GLI2: variants seen among roughly 807,000 people sequenced by gnomAD.
The protein encoded by GLI2 is GLI family zinc finger 2, also known as transcription activator GLI2.
Under a neutral mutation model 78.9 loss-of-function variants are expected in GLI2, and 22 were observed. The ratio of observed to expected loss-of-function variants is 0.28; its 90% CI spans 0.20 to 0.40. GLI2 has a LOEUF of 0.40. Among genes scored for constraint, GLI2 ranks in the 10% least tolerant of loss-of-function variants. The probability of loss-of-function intolerance (pLI) is 1.00; values close to 1 mark genes in which losing one functional copy is unlikely to be tolerated. For missense variants in GLI2, 2,097 were observed against 2,213.2 expected, an observed-to-expected ratio of 0.95 and a Z score of 1.05; for synonymous variants, 974 against 963.7, an observed-to-expected ratio of 1.01 and a Z score of -0.20.
At chr2:120,845,463 G>T (rs933381746) in intron 2 of GLI2, among the ~76,000 whole-genome samples, 2 of 152,186 alleles carry the variant, frequency 1.3e-5, no homozygotes, top group Non-Finnish European at 2.9e-5. Flanking sequence ...GCACGCCCAC[G>T]TGGGCCTGGA....
intron 7 of GLI2, among the ~76,000 whole-genome samples, chr2:120,971,442 C>A (rs1682163542): frequency 6.6e-6 from 1 of 152,258 alleles, no homozygotes; most frequent in Non-Finnish European, 1.5e-5. Context: ...TCCTCCCTCT[C>A]CACCCCAGGG....
chr2:120,738,378 C>T, intron 1 of GLI2, among the ~76,000 whole-genome samples: 1 of 152,192 alleles, frequency 6.6e-6, no homozygotes, highest in East Asian at 1.9e-4. Flanking sequence ...GAATTCCACT[C>T]AAGCCCAGCC....
intron 1 of GLI2, among the ~76,000 whole-genome samples, chr2:120,742,690 G>GAAAAAAAA (rs1682585026): frequency 3.2e-5 from 2 of 62,884 alleles, no homozygotes; most frequent in South Asian, 8.1e-4. Flanking sequence ...AAAAAAAAAG[G>GAAAAAAAA]AAAGAGGGAA....
In GLI2 at chr2:120,972,037, C is replaced by A. The variant is rs188531549; in HGVS notation, c.1156C>A (p.Pro386Thr). The change falls in exon 8 of 14, where the codon CCG (proline) becomes ACG (threonine). Residue 386 changes from proline to threonine, a missense_variant. Pro to Thr is a conservative substitution (Grantham distance 38). Transcript: ENST00000361492. ...KVKTEPEGLRPASPLALTQEQ... is the reference protein window; with the variant it reads ...KVKTEPEGLRTASPLALTQEQ... ...CAAGACCGAGCCTGAGGGCCTGCGG[C>A]CGGCCTCCCCTCTGGCGCTGACGCA... The A allele has an allele frequency of 1.9e-6, 3 of 1,613,404 alleles. No homozygotes were observed. In the East Asian group the frequency reaches 6.7e-5, roughly 36 times the overall value.
chr2:120,922,647 A>G (rs1232269559), intron 2 of GLI2, among the ~76,000 whole-genome samples: 4 of 152,198 alleles, frequency 2.6e-5, no homozygotes, highest in African/African-American at 9.7e-5. Context: ...ACCTTGCTGG[A>G]GATGAGCCCC....
intron 2 of GLI2, among the ~76,000 whole-genome samples, chr2:120,883,697 G>A (rs535633546): frequency 6.6e-6 from 1 of 152,294 alleles, no homozygotes; most frequent in East Asian, 1.9e-4. Context: ...ATTCACTGTG[G>A]TCACATAGCT....
chr2:120,936,084 G>C (rs888096138), intron 3 of GLI2, among the ~76,000 whole-genome samples: 1 of 152,100 alleles, frequency 6.6e-6, no homozygotes, highest in Non-Finnish European at 1.5e-5. Context: ...CCCCACTGTC[G>C]GACATTTCCC....
chr2:120,913,951 C>T (rs1678960535), intron 2 of GLI2, among the ~76,000 whole-genome samples: 1 of 152,220 alleles, frequency 6.6e-6, no homozygotes, highest in South Asian at 2.1e-4. Context: ...ACTTGATGCT[C>T]TCGGCAGGAC....
intron 1 of GLI2, among the ~76,000 whole-genome samples, chr2:120,763,259 T>A (rs1683270931): frequency 6.6e-6 from 1 of 152,192 alleles, no homozygotes. Context: ...CTGTGTGTTT[T>A]CTTGACCTAA....
chr2:120,880,405 C>T (rs1677059638), intron 2 of GLI2, among the ~76,000 whole-genome samples: 1 of 152,182 alleles, frequency 6.6e-6, no homozygotes, highest in South Asian at 2.1e-4. Flanking sequence ...CCACCGAAGT[C>T]CAGCCTCTGA....
Position 120,739,673 on chromosome 2 carries a change from C to A in GLI2, c.-31+3388C>A, listed in dbSNP as rs1379030493. ...ACAGCTGCAGCTGTTCCCGCTGGGC[C>A]AGGGCCCTTTGAAAAGGAACCCGGG... On this transcript the variant is annotated intron_variant, in intron 1 of 13. Transcript: ENST00000361492. 3.3e-4 allele frequency among the ~76,000 whole-genome samples: 51 copies of A among 152,252 alleles called. 1 individual carries two copies. The highest frequency in any genetic ancestry group is 3.3e-3 in the Admixed American group (51 of 15,288).
At chr2:120,922,801 G>A (rs59375973) in intron 2 of GLI2, among the ~76,000 whole-genome samples, 4,402 of 152,222 alleles carry the variant, frequency 0.029, 64 homozygotes, top group Middle Eastern at 0.048. Flanking sequence ...CACGGGTGCA[G>A]CCTGCACATT....
At chr2:120,852,001 C>T (rs1166503933) in intron 2 of GLI2, among the ~76,000 whole-genome samples, 1 of 152,152 alleles carries the variant, frequency 6.6e-6, no homozygotes, top group Non-Finnish European at 1.5e-5. Flanking sequence ...ATTGCCACGT[C>T]TTGGAGAAAT....
chr2:120,966,958 G>T (rs1317886110), intron 5 of GLI2, among the ~76,000 whole-genome samples: 2 of 152,246 alleles, frequency 1.3e-5, no homozygotes, highest in African/African-American at 4.8e-5. Context: ...TGTGTACTGT[G>T]AGCAGGAGGC....
intron 8 of GLI2, 127 bp downstream of exon 8, chr2:120,972,190 G>GTCCTCCCT: frequency 9.7e-7 from 1 of 1,026,346 alleles, no homozygotes; most frequent in Non-Finnish European, 1.5e-6. Flanking sequence ...GAGTGACCCA[G>GTCCTCCCT]GGAGGACTGG....
At chr2:120,745,710 C>T (rs1300291897) in intron 1 of GLI2, among the ~76,000 whole-genome samples, 2 of 152,162 alleles carry the variant, frequency 1.3e-5, no homozygotes, top group Non-Finnish European at 2.9e-5. Context: ...GCACCTGGGC[C>T]AGGACTTCAA....
intron 2 of GLI2, among the ~76,000 whole-genome samples, chr2:120,826,295 G>A (rs1686056128): frequency 6.6e-6 from 1 of 152,220 alleles, no homozygotes; most frequent in South Asian, 2.1e-4. Flanking sequence ...AGCCAGGTTG[G>A]GCGTGAGGGT....
chr2:120,885,902 G>A (rs983847140), intron 2 of GLI2, among the ~76,000 whole-genome samples: 2 of 152,126 alleles, frequency 1.3e-5, no homozygotes, highest in African/African-American at 4.8e-5. Context: ...ACAGGGCCGT[G>A]AGCTAAAACC....
At chr2:120,795,471 T>G (rs1684343698) in intron 1 of GLI2, among the ~76,000 whole-genome samples, 1 of 151,116 alleles carries the variant, frequency 6.6e-6, no homozygotes, top group Non-Finnish European at 1.5e-5. Flanking sequence ...TGCAGTGAGC[T>G]GAGGTCACAC....
Sources: allele counts gnomAD v4.1 joint callset (sites outside exome capture counted in the v4.1 genomes callset), GRCh38; gene constraint gnomAD v4.1.1; transcripts MANE v1.5; gene names NCBI Gene and HGNC (gene_info 2026-07-23, HGNC 2026-07-21).